The following COPG2 variants were observed in gnomAD, a reference collection of about 807,000 sequenced individuals.
COPG2 encodes coatomer subunit gamma-2.
In COPG2, 37 loss-of-function variants were observed where a neutral mutation model predicts 46.3. That is an observed-to-expected ratio of 0.80 (90% confidence interval 0.61 to 1.05). COPG2 has a LOEUF of 1.05. COPG2 is among the 50% of genes least tolerant of loss of function. The pLI is 0.00. For missense variants in COPG2, 427 were observed against 387.8 expected, an observed-to-expected ratio of 1.10 and a Z score of -0.85; for synonymous variants, 159 against 129.7, an observed-to-expected ratio of 1.23 and a Z score of -1.53.
At chr7:130,572,342 T>C (rs1282417171) in intron 9 of COPG2, among the ~76,000 whole-genome samples, 1 of 152,116 alleles carries the variant, frequency 6.6e-6, no homozygotes, top group African/African-American at 2.4e-5. Flanking sequence ...TACAGAAGAC[T>C]TGAACAACAT....
At chr7:130,618,052 G>A (rs988246119) in intron 5 of COPG2, among the ~76,000 whole-genome samples, 6 of 125,612 alleles carry the variant, frequency 4.8e-5, no homozygotes, top group Admixed American at 1.0e-4. Flanking sequence ...AGTGAGCTGA[G>A]ATGGCACCAC....
At chr7:130,610,757 G>GTACATA (rs1794831880) in intron 9 of COPG2, 196 bp downstream of exon 9, 2 of 670,636 alleles carry the variant, frequency 3.0e-6, no homozygotes, top group Non-Finnish European at 5.3e-6. Flanking sequence ...TAATAATTAA[G>GTACATA]TACATATACA....
intron 2 of COPG2, 103 bp from the exon 3 acceptor site, chr7:130,667,032 G>A: frequency 1.6e-6 from 1 of 634,048 alleles, no homozygotes; most frequent in South Asian, 2.1e-5. Flanking sequence ...GGTATCCAAA[G>A]AACATTGTCT....
intron 5 of COPG2, among the ~76,000 whole-genome samples, chr7:130,619,200 G>A (rs1554453277): frequency 5.9e-5 from 9 of 152,120 alleles, no homozygotes; most frequent in Non-Finnish European, 1.5e-5. Flanking sequence ...GTAGCCACAA[G>A]CTAAATGTGT....
chr7:130,583,493 TAAAAAA>T (rs782593413), intron 9 of COPG2, among the ~76,000 whole-genome samples: 29 of 34,390 alleles, frequency 8.4e-4, no homozygotes, highest in African/African-American at 3.0e-3. Context: ...ACATAAAGTA[TAAAAAA>T]AAAAAAAAAA....
Position 130,646,969 on chromosome 7 carries a change from GTGTATATATATATGTATA to G in COPG2, c.323+5882_323+5899del, listed in dbSNP as rs1795612877. Reference sequence around the variant, plus strand: ...TATATATATATATGCATATATATATGTGTATATATATATGTATATATATATATGTGTATATATATATGT... The same window carrying G: ...TATATATATATATGCATATATATATGTATATATATGTGTATATATATATGT... On this transcript the variant is annotated intron_variant, in intron 5 of 23. Coordinates refer to ENST00000425248, the MANE Select transcript of COPG2 (RefSeq NM_012133.6). Among the ~76,000 whole-genome samples the G allele has an allele frequency of 9.5e-4, 17 of 17,978 alleles. No individual in the cohort carries two copies. The African/African-American group carries it at 0.01, about 11-fold the overall frequency. The allele number at this position is 17,978 out of a possible 152,430, so 11.8% of individuals were successfully genotyped here. A position where few individuals can be genotyped will look rare whatever the true frequency, so the allele number is the denominator to read the frequency against.
chr7:130,628,834 C>G (rs1319087563), intron 5 of COPG2, among the ~76,000 whole-genome samples: 2 of 152,086 alleles, frequency 1.3e-5, no homozygotes, highest in Non-Finnish European at 2.9e-5. Flanking sequence ...CACTTGATGC[C>G]AGAAGTTCAA....
intron 5 of COPG2, among the ~76,000 whole-genome samples, chr7:130,647,011 G>GTA (rs782210531): frequency 1.0e-4 from 1 of 9,748 alleles, no homozygotes; most frequent in African/African-American, 3.4e-4. Flanking sequence ...ATATATATAT[G>GTA]TATATATATA....
intron 3 of COPG2, among the ~76,000 whole-genome samples, chr7:130,665,918 TTGC>T (rs1434865418): frequency 3.3e-5 from 5 of 152,028 alleles, no homozygotes; most frequent in African/African-American, 1.2e-4. Flanking sequence ...GCAAATATTT[TTGC>T]TGGTTTGTCT....
intron 5 of COPG2, among the ~76,000 whole-genome samples, chr7:130,624,583 C>G (rs779160656): frequency 6.6e-6 from 1 of 152,118 alleles, no homozygotes; most frequent in Non-Finnish European, 1.5e-5. Context: ...ACCTTCCCCT[C>G]TTCCAAGCCC....
At chr7:130,663,083 T>TG in intron 3 of COPG2, 45 bp from the exon 4 acceptor site, 1 of 1,085,860 alleles carries the variant, frequency 9.2e-7, no homozygotes, top group Non-Finnish European at 1.3e-6. Context: ...AAAGTGTATA[T>TG]TCATATATAT....
At chr7:130,554,364 A>G in intron 14 of COPG2, 117 bp downstream of exon 14, 1 of 396,200 alleles carries the variant, frequency 2.5e-6, no homozygotes, top group Non-Finnish European at 4.4e-6. Context: ...GGCCCTAAGC[A>G]TGCTCTAAAA....
rs1554461981 is a variant in COPG2 at position 130,668,624 on chromosome 7, G to T, written c.37+8C>A. 3 of 1,531,288 alleles carry T rather than the reference G, an allele frequency of 2.0e-6. No homozygotes were observed. The South Asian group carries it at 3.7e-5, about 19-fold the overall frequency. 94.9% of individuals were successfully genotyped at this position (1,531,288 alleles called of 1,614,324 possible). On this transcript the variant is annotated splice_region_variant and intron_variant, in intron 1 of 23. Coordinates refer to ENST00000425248, the MANE Select transcript of COPG2 (RefSeq NM_012133.6). The stretch of plus-strand genomic sequence containing the variant: ...GCTGAGGGTGGGCCTCGGAAGCCCC[G>T]CGCGTACCAGACTCCTCGTCCTTCT...
intron 20 of COPG2, 156 bp downstream of exon 20, chr7:130,547,518 A>C (rs1289672551): frequency 7.6e-6 from 3 of 396,470 alleles, no homozygotes; most frequent in Non-Finnish European, 1.3e-5. Context: ...TTTTATAAAT[A>C]TATATATTCA....
At chr7:130,560,965 A>G in intron 12 of COPG2, 68 bp downstream of exon 12, 2 of 398,238 alleles carry the variant, frequency 5.0e-6, no homozygotes, top group East Asian at 7.1e-5. Context: ...TTCTCAAATG[A>G]TACCGTTAAG....
intron 20 of COPG2, among the ~76,000 whole-genome samples, chr7:130,528,807 C>T (rs1040242149): frequency 0.011 from 1,668 of 151,862 alleles, 30 homozygotes; most frequent in African/African-American, 0.039. Flanking sequence ...AGGAGGGATG[C>T]GCTGCAGTAA....
intron 20 of COPG2, among the ~76,000 whole-genome samples, chr7:130,526,803 T>C (rs1168892086): frequency 7.1e-6 from 1 of 141,528 alleles, no homozygotes; most frequent in Non-Finnish European, 1.5e-5. Context: ...GGCTCTTTAC[T>C]ACGGATCCGG....
intron 5 of COPG2, among the ~76,000 whole-genome samples, chr7:130,648,218 T>C (rs1795657644): frequency 6.6e-6 from 1 of 152,236 alleles, no homozygotes. Context: ...ATTAGTTTTC[T>C]ATTCCTGCTG....
intron 20 of COPG2, among the ~76,000 whole-genome samples, chr7:130,513,911 T>A (rs1391661437): frequency 2.0e-5 from 3 of 152,142 alleles, no homozygotes; most frequent in Non-Finnish European, 4.4e-5. Context: ...AGGTATTGAC[T>A]GGAGGGATAC....
Sources: gnomAD v4.1 joint callset for allele counts (sites outside exome capture counted in the v4.1 genomes callset) on GRCh38, gnomAD v4.1.1 for gene constraint, MANE v1.5 for transcripts, NCBI Gene and HGNC (gene_info 2026-07-23, HGNC 2026-07-21) for gene names.